The following VPS13B variants were observed in gnomAD, a reference collection of about 807,000 sequenced individuals.
VPS13B encodes the protein vacuolar protein sorting 13 homolog B, also known as intermembrane lipid transfer protein VPS13B.
VPS13B carries 285 observed loss-of-function variants against 426.4 expected under a neutral mutation model. The ratio of observed to expected loss-of-function variants is 0.67; its 90% CI spans 0.61 to 0.74. The LOEUF (loss-of-function observed/expected upper bound fraction) is 0.74. Among genes scored for constraint, VPS13B ranks in the 30% least tolerant of loss-of-function variants. VPS13B has a pLI of 0.00. For missense variants in VPS13B, 4,537 were observed against 4,782.6 expected (o/e 0.95, Z 1.51); for synonymous variants, 1,676 against 1,676.4 (o/e 1.00, Z 0.01).
At position 99,147,945 on chromosome 8, in the gene VPS13B, T is replaced by A; in HGVS notation, c.1948T>A (p.Cys650Ser). Residue 650 changes from cysteine (C) to serine (S), a missense_variant, in exon 14 of 62, where the codon TGC (cysteine) becomes AGC (serine). By Grantham distance (112) the Cys-to-Ser change is moderately radical. Transcript: ENST00000357162. ...HTSVTLLKCT[C>S]TISMAEFNLL... ...AAGTGTTACTCTCCTCAAATGTACC[T>A]GCACAATTTCCATGGCTGAATTCAA... 6.2e-7 allele frequency: 1 copy of A among 1,613,880 alleles called. No homozygotes were observed. The highest frequency in any genetic ancestry group is 8.5e-7 in the Non-Finnish European group (1 of 1,179,870).
chr8:99,832,584 A>C lies in VPS13B; in HGVS notation c.9546A>C (p.Arg3182Ser). ...SQCWSLPAIV[R>S]PEFPRQSVAV... ...GCTGGAGCCTGCCAGCTATAGTTAG[A>C]CCAGAGTTTCCCAGACAGAGTGTGG... Residue 3182 changes from arginine (R) to serine (S), a missense_variant, in exon 52 of 62, where the codon AGA (arginine) becomes AGC (serine). By Grantham distance (110) the Arg-to-Ser change is moderately radical (BLOSUM62 -1). This residue lies in a region of VPS13B where 4,311 missense variants were observed against 4,474.3 expected (regional missense o/e 0.96). Transcript: ENST00000357162. The C allele has an allele frequency of 6.2e-7, 1 of 1,613,810 alleles. No individual in the cohort carries two copies.
intron 19 of VPS13B, among the ~76,000 whole-genome samples, chr8:99,284,485 T>C (rs959383406): frequency 6.6e-6 from 1 of 152,186 alleles, no homozygotes; most frequent in Non-Finnish European, 1.5e-5. Flanking sequence ...TAAAGGCTTA[T>C]TTTTTGGGTT....
At chr8:99,521,856 T>C (rs79938246) in intron 30 of VPS13B, among the ~76,000 whole-genome samples, 7,559 of 152,290 alleles carry the variant, frequency 0.05, 211 homozygotes, top group African/African-American at 0.072. Context: ...TTACTTTAAA[T>C]AGATCTAGGA....
chr8:99,311,137 T>A (rs1353066546), intron 19 of VPS13B, among the ~76,000 whole-genome samples: 2 of 152,160 alleles, frequency 1.3e-5, no homozygotes, highest in Admixed American at 6.5e-5. Flanking sequence ...GATTCGTTGA[T>A]TTTTTGAAGG....
chr8:99,718,717 A>G (rs895244209), intron 37 of VPS13B, among the ~76,000 whole-genome samples: 1 of 151,404 alleles, frequency 6.6e-6, no homozygotes, highest in African/African-American at 2.4e-5. Flanking sequence ...CACATCCTGA[A>G]GTGCAGTGGT....
intron 17 of VPS13B, among the ~76,000 whole-genome samples, chr8:99,268,752 T>C (rs920494660): frequency 6.6e-6 from 1 of 151,502 alleles, no homozygotes; most frequent in Non-Finnish European, 1.5e-5. Context: ...TTTGGGGGAG[T>C]TTTGGAAGGG....
intron 51 of VPS13B, among the ~76,000 whole-genome samples, chr8:99,830,327 G>T (rs1005792701): frequency 3.3e-5 from 5 of 152,186 alleles, no homozygotes; most frequent in African/African-American, 1.2e-4. Flanking sequence ...GAGGCATTCT[G>T]GCTACAGCGG....
intron 16 of VPS13B, among the ~76,000 whole-genome samples, chr8:99,183,590 T>A (rs1813062515): frequency 6.6e-6 from 1 of 152,142 alleles, no homozygotes; most frequent in Non-Finnish European, 1.5e-5. Context: ...ACTTAGTACT[T>A]GCCTAATAAA....
chr8:99,171,080 T>C (rs1812302473), intron 16 of VPS13B, among the ~76,000 whole-genome samples: 1 of 151,848 alleles, frequency 6.6e-6, no homozygotes, highest in African/African-American at 2.4e-5. Flanking sequence ...TGCCTGCTGA[T>C]ACAGAAAATT....
chr8:99,851,532 G>T (rs1816295891), intron 55 of VPS13B, among the ~76,000 whole-genome samples: 1 of 152,190 alleles, frequency 6.6e-6, no homozygotes, highest in African/African-American at 2.4e-5. Flanking sequence ...ACAAATTGGT[G>T]TAGGTAAGCT....
At chr8:99,785,560 A>G (rs762711270) in intron 43 of VPS13B, among the ~76,000 whole-genome samples, 1 of 152,134 alleles carries the variant, frequency 6.6e-6, no homozygotes, top group Non-Finnish European at 1.5e-5. Flanking sequence ...ATGGTATTGC[A>G]TTCATATTTT....
At chr8:99,179,171 G>C (rs1466862879) in intron 16 of VPS13B, among the ~76,000 whole-genome samples, 1 of 151,978 alleles carries the variant, frequency 6.6e-6, no homozygotes, top group Non-Finnish European at 1.5e-5. Flanking sequence ...GTAGGCCTTG[G>C]AGTGTGAATA....
chr8:99,294,107 A>G lies in VPS13B; in HGVS notation c.2824+18853A>G, dbSNP rs552229839. Among the ~76,000 whole-genome samples, 10 of 77,918 alleles carry G rather than the reference A, an allele frequency of 1.3e-4. 1 individual carries two copies. The highest frequency in any genetic ancestry group is 2.5e-4 in the Non-Finnish European group (9 of 36,016). The allele number at this position is 77,918 out of a possible 152,430, so 51.1% of individuals were successfully genotyped here. On this transcript the variant is annotated intron_variant, in intron 19 of 61. Transcript: ENST00000357162. ...CATGCACACATATGTTTATTGCGGCATTATTCACAATAGCAAAGACTTGGA... is the reference window on the plus strand; with the variant it reads ...CATGCACACATATGTTTATTGCGGCGTTATTCACAATAGCAAAGACTTGGA...
intron 17 of VPS13B, among the ~76,000 whole-genome samples, chr8:99,194,214 C>T (rs1325520007): frequency 2.6e-5 from 4 of 152,080 alleles, no homozygotes; most frequent in African/African-American, 4.8e-5. Context: ...ATAAATGTTG[C>T]AGTAGGCTAG....
intron 35 of VPS13B, chr8:99,696,240 T>C: frequency 5.3e-6 from 1 of 190,004 alleles, no homozygotes; most frequent in Non-Finnish European, 1.1e-5. Context: ...CTCAAGTCCT[T>C]CAAGGACAAG....
chr8:99,656,221 G>A (rs911663889), intron 34 of VPS13B, among the ~76,000 whole-genome samples: 13 of 152,092 alleles, frequency 8.5e-5, no homozygotes, highest in African/African-American at 2.4e-4. Flanking sequence ...AAGTGAAATC[G>A]AACTCACTCT....
At chr8:99,304,933 A>G (rs1820557978) in intron 19 of VPS13B, among the ~76,000 whole-genome samples, 1 of 152,070 alleles carries the variant, frequency 6.6e-6, no homozygotes, top group African/African-American at 2.4e-5. Context: ...CATGAGCCTC[A>G]TATTGTGTGG....
intron 19 of VPS13B, among the ~76,000 whole-genome samples, chr8:99,376,413 A>G (rs1416724390): frequency 1.3e-5 from 2 of 152,102 alleles, no homozygotes; most frequent in Non-Finnish European, 2.9e-5. Flanking sequence ...ACCCTCTTTT[A>G]TCATCTATAA....
chr8:99,696,856 G>T (rs764700580), intron 35 of VPS13B: 3 of 909,468 alleles, frequency 3.3e-6, no homozygotes, highest in Non-Finnish European at 5.6e-6. Flanking sequence ...AGCTGCTGGA[G>T]CTGCAGTCCA....
Sources: gnomAD v4.1 joint callset for allele counts (sites outside exome capture counted in the v4.1 genomes callset) on GRCh38, gnomAD v4.1.1 for gene constraint, gnomAD v4.1.1 regional missense constraint, MANE v1.5 for transcripts, NCBI Gene and HGNC (gene_info 2026-07-23, HGNC 2026-07-21) for gene names.